The following EIPR1 variants were observed in gnomAD, a reference collection of about 807,000 sequenced individuals.
EIPR1 encodes EARP complex and GARP complex interacting protein 1, also known as EARP and GARP complex-interacting protein 1.
EIPR1 carries 25 observed loss-of-function variants against 48.1 expected under a neutral mutation model. The ratio of observed to expected loss-of-function variants is 0.52; its 90% CI spans 0.38 to 0.73. EIPR1 has a LOEUF of 0.73. Among genes scored for constraint, EIPR1 ranks in the 30% least tolerant of loss-of-function variants. The pLI is 0.00. For missense variants in EIPR1, 415 were observed against 506.2 expected (o/e 0.82, Z 1.73); for synonymous variants, 204 against 201.9 (o/e 1.01, Z -0.09).
At chr2:3,228,790 G>A (rs1004583437) in intron 4 of EIPR1, among the ~76,000 whole-genome samples, 4 of 152,106 alleles carry the variant, frequency 2.6e-5, no homozygotes, top group African/African-American at 9.7e-5. Context: ...TCAGCATCTG[G>A]CATTTCCCCT....
chr2:3,214,038 C>T lies in EIPR1; in HGVS notation c.516+111G>A. ...CGACAGGCCCTGGTGTGTGATGTTC[C>T]CCACCCTGTGTCCAAGTGATCTCAT... On this transcript the variant is annotated intron_variant, in intron 5 of 8. Coordinates refer to ENST00000382125, the MANE Select transcript of EIPR1 (RefSeq NM_003310.5). The T allele has an allele frequency of 5.0e-6, 5 of 996,030 alleles. No homozygotes were observed. The South Asian group carries it at 7.5e-5, about 15-fold the overall frequency. 61.7% of individuals were successfully genotyped at this position (996,030 alleles called of 1,614,324 possible). A position where few individuals can be genotyped will look rare whatever the true frequency, so the allele number is the denominator to read the frequency against.
intron 4 of EIPR1, among the ~76,000 whole-genome samples, chr2:3,243,427 C>T (rs2602756): frequency 0.91 from 139,024 of 152,056 alleles, 64,052 homozygotes; most frequent in East Asian, 0.98. Context: ...GTCAGGAGTT[C>T]GAAACTAGCC....
chr2:3,204,494 T>C (rs558537188), intron 5 of EIPR1, among the ~76,000 whole-genome samples: 29 of 152,324 alleles, frequency 1.9e-4, no homozygotes, highest in Admixed American at 3.9e-4. Flanking sequence ...CAGCAAGAAC[T>C]CCACAGGGTG....
intron 4 of EIPR1, among the ~76,000 whole-genome samples, chr2:3,245,436 C>A (rs1666766853): frequency 6.6e-6 from 1 of 152,186 alleles, no homozygotes; most frequent in Non-Finnish European, 1.5e-5. Context: ...TGGTTTCAAA[C>A]TCCTAACCTC....
chr2:3,362,304 A>G (rs1670870046), intron 1 of EIPR1, among the ~76,000 whole-genome samples: 1 of 150,984 alleles, frequency 6.6e-6, no homozygotes, highest in South Asian at 2.1e-4. Flanking sequence ...TGCCCCATTC[A>G]TTCATACACA....
chr2:3,359,313 A>G (rs1035942692), intron 1 of EIPR1, among the ~76,000 whole-genome samples: 16 of 152,240 alleles, frequency 1.1e-4, no homozygotes, highest in African/African-American at 2.4e-4. Context: ...AAAATGCAGA[A>G]GCTGCTTGAG....
intron 3 of EIPR1, chr2:3,261,583 C>A (rs1045246844): frequency 6.6e-6 from 1 of 152,306 alleles, no homozygotes; most frequent in Non-Finnish European, 1.5e-5. Flanking sequence ...GTAATCCCCA[C>A]ACATTTCCAG....
At chr2:3,328,131 G>A (rs895921258) in intron 3 of EIPR1, among the ~76,000 whole-genome samples, 1 of 152,116 alleles carries the variant, frequency 6.6e-6, no homozygotes, top group Non-Finnish European at 1.5e-5. Context: ...TCATGTGTTG[G>A]CACCGTTCCC....
At chr2:3,337,001 GAAAGGGAAGGGAAAAGGGA>G (rs1361129792) in intron 3 of EIPR1, among the ~76,000 whole-genome samples, 3 of 139,400 alleles carry the variant, frequency 2.2e-5, no homozygotes, top group Admixed American at 1.4e-4. Flanking sequence ...AGAAGGAAGG[GAAAGGGAAGGGAAAAGGGA>G]AAAGGGAAGG....
intron 4 of EIPR1, among the ~76,000 whole-genome samples, chr2:3,218,822 T>C (rs908632549): frequency 3.3e-5 from 5 of 149,364 alleles, no homozygotes; most frequent in African/African-American, 1.2e-4. Context: ...TGATACACTC[T>C]AGAGCTTTCA....
At chr2:3,242,703 G>T (rs897184210) in intron 4 of EIPR1, among the ~76,000 whole-genome samples, 46 of 152,220 alleles carry the variant, frequency 3.0e-4, no homozygotes, top group African/African-American at 1.1e-3. Context: ...CCTTAAGAAA[G>T]ATATGTATCT....
intron 3 of EIPR1, among the ~76,000 whole-genome samples, chr2:3,336,835 A>T (rs1670061564): frequency 6.9e-6 from 1 of 145,592 alleles, no homozygotes; most frequent in Admixed American, 6.9e-5. Context: ...AGGGAAGGGA[A>T]GGGAAAGGAA....
At chr2:3,203,864 G>A (rs939276978) in intron 5 of EIPR1, among the ~76,000 whole-genome samples, 6 of 152,232 alleles carry the variant, frequency 3.9e-5, no homozygotes, top group Non-Finnish European at 2.9e-5. Flanking sequence ...AGGAATCCAG[G>A]CCCTCAGTCC....
At chr2:3,195,584 G>A (rs376796647) in intron 6 of EIPR1, among the ~76,000 whole-genome samples, 1 of 152,062 alleles carries the variant, frequency 6.6e-6, no homozygotes, top group African/African-American at 2.4e-5. Context: ...TCTTTCAAGG[G>A]AAACAGGCAA....
intron 4 of EIPR1, among the ~76,000 whole-genome samples, chr2:3,252,261 G>A (rs1376495297): frequency 2.0e-5 from 3 of 152,074 alleles, no homozygotes; most frequent in African/African-American, 7.2e-5. Context: ...GAACAGAGAC[G>A]GGAGTACTGA....
rs768622099 is a variant in EIPR1, at chr2:3,189,272, T to G, written c.*62A>C. ...CGAGTCACCTCCAAAGAGCTGCGAC[T>G]GTTTGAGAATCTGCCAAGAGGAAAA... is the stretch of plus-strand genomic sequence containing the variant. On this transcript the variant is annotated 3_prime_UTR_variant, in exon 9 of 9. Coordinates refer to ENST00000382125, the MANE Select transcript of EIPR1 (RefSeq NM_003310.5). This position sits in a 1 kb window ranked among gnomAD's most constrained non-coding sequence, Gnocchi z 4.6. The G allele has an allele frequency of 1.5e-5, 22 of 1,440,112 alleles. No individual in the cohort carries two copies. Among genetic ancestry groups the G allele is most frequent in the Non-Finnish European group, 2.0e-5 (22 of 1,079,250 alleles). The allele number at this position is 1,440,112 out of a possible 1,614,324, so 89.2% of individuals were successfully genotyped here. A position where few individuals can be genotyped will look rare whatever the true frequency, so the allele number is the denominator to read the frequency against.
At chr2:3,260,138 A>T (rs1667281466) in intron 3 of EIPR1, among the ~76,000 whole-genome samples, 1 of 152,206 alleles carries the variant, frequency 6.6e-6, no homozygotes, top group East Asian at 1.9e-4. Context: ...ACTTCATTAA[A>T]ATTTAAAACT....
chr2:3,251,782 A>G (rs908332780), intron 4 of EIPR1, among the ~76,000 whole-genome samples: 4 of 152,224 alleles, frequency 2.6e-5, no homozygotes, highest in Non-Finnish European at 4.4e-5. Flanking sequence ...AACATCCTCA[A>G]CGCTTACTGT....
chr2:3,195,877 A>G (rs566119056), intron 6 of EIPR1, among the ~76,000 whole-genome samples: 12 of 152,310 alleles, frequency 7.9e-5, no homozygotes, highest in East Asian at 5.8e-4. Flanking sequence ...CCACTGCCAG[A>G]TGTCACCCAT....
Sources: gnomAD v4.1 joint callset for allele counts (sites outside exome capture counted in the v4.1 genomes callset) on GRCh38, gnomAD v4.1.1 for gene constraint, Gnocchi (gnomAD v3.1) non-coding constraint, MANE v1.5 for transcripts, NCBI Gene and HGNC (gene_info 2026-07-23, HGNC 2026-07-21) for gene names.